PCDHA4: variants seen among roughly 807,000 people sequenced by gnomAD.
PCDHA4 encodes the protein protocadherin alpha 4, also known as protocadherin alpha-4.
A neutral mutation model predicts 61.4 loss-of-function variants in PCDHA4; 49 were observed. That is an observed-to-expected ratio of 0.80 (90% CI 0.63 to 1.01). The LOEUF (loss-of-function observed/expected upper bound fraction) is 1.01. Ranked by LOEUF, PCDHA4 falls within the 50% of genes least tolerant of loss-of-function variation. PCDHA4 has a pLI of 0.00. For synonymous variants in PCDHA4, 590 were observed against 550.3 expected (o/e 1.07, Z -1.01); for missense variants, 1,254 against 1,235.8 (o/e 1.01, Z -0.22).
intron 3 of PCDHA4, among the ~76,000 whole-genome samples, chr5:140,998,721 C>A (rs987484967): frequency 4.6e-5 from 7 of 152,084 alleles, no homozygotes; most frequent in Admixed American, 4.6e-4. Flanking sequence ...TGCACCACCA[C>A]GCTAGGCTAA....
intron 1 of PCDHA4, among the ~76,000 whole-genome samples, chr5:140,941,194 TCTTTCTTCCTTTCTTTCTTCCTTTC>T (rs1257521577): frequency 8.9e-6 from 1 of 112,354 alleles, no homozygotes; most frequent in Admixed American, 9.1e-5. Context: ...TCTTTTTTTT[TCTTTCTTCCTTTCTTTCTTCCTTTC>T]TTTCTTTCTT....
At chr5:140,912,690 A>AG (rs2076029112) in intron 1 of PCDHA4, among the ~76,000 whole-genome samples, 1 of 152,192 alleles carries the variant, frequency 6.6e-6, no homozygotes, top group African/African-American at 2.4e-5. Flanking sequence ...TCCAGGTCTC[A>AG]GGGGGAATGC....
chr5:140,863,258 G>A lies in PCDHA4; in HGVS notation c.2385+53686G>A, dbSNP rs1456133535. On this transcript the variant is annotated intron_variant, in intron 1 of 3. Transcript: ENST00000530339. The stretch of plus-strand genomic sequence containing the variant: ...CGGGCTTTGGCGGGCGTCGAGGTCC[G>A]GGAGGCAGCGCTGGTGGATGTCAAC... 8 of 1,445,594 alleles carry A rather than the reference G, an allele frequency of 5.5e-6. No homozygotes were observed. In the Admixed American group the frequency reaches 9.0e-5, roughly 16 times the overall value. The allele number at this position is 1,445,594 out of a possible 1,614,324, so 89.5% of individuals were successfully genotyped here.
intron 1 of PCDHA4, among the ~76,000 whole-genome samples, chr5:140,839,867 G>C (rs996407179): frequency 6.6e-6 from 1 of 151,988 alleles, no homozygotes; most frequent in African/African-American, 2.4e-5. Flanking sequence ...GGTGGACTTT[G>C]AAAGATGAAT....
At chr5:141,000,538 A>C (rs31871) in intron 3 of PCDHA4, among the ~76,000 whole-genome samples, 70,673 of 145,962 alleles carry the variant, frequency 0.48, 18,171 homozygotes, top group African/African-American at 0.68. Flanking sequence ...AGTGATTCTC[A>C]TGCCTCAAAC....
intron 1 of PCDHA4, among the ~76,000 whole-genome samples, chr5:140,925,706 T>C (rs371734955): frequency 2.0e-5 from 3 of 151,422 alleles, no homozygotes; most frequent in Admixed American, 6.6e-5. Context: ...AGCCTATTCT[T>C]ATCCTGCCTC....
intron 3 of PCDHA4, among the ~76,000 whole-genome samples, chr5:140,997,260 T>G (rs1364203100): frequency 6.6e-6 from 1 of 152,196 alleles, no homozygotes; most frequent in Admixed American, 6.5e-5. Flanking sequence ...GGTTCACTCT[T>G]CCAAATATTT....
rs782362205 is a variant in PCDHA4 at position 141,009,960 on chromosome 5, A to G, written c.*23A>G. The G allele has an allele frequency of 6.3e-7, 1 of 1,589,232 alleles. No homozygotes were observed. The highest frequency in any genetic ancestry group is 2.2e-5 in the East Asian group (1 of 44,694). On this transcript the variant is annotated 3_prime_UTR_variant, in exon 4 of 4. Transcript: ENST00000530339. The stretch of plus-strand genomic sequence containing the variant: ...TGAGGTCCTCAAATGGAAACAAGCC[A>G]CTTAGCCAGTTTTTGTAATAATGGC...
chr5:140,850,705 C>T, intron 1 of PCDHA4: 1 of 1,597,920 alleles, frequency 6.3e-7, no homozygotes, highest in South Asian at 1.1e-5. Context: ...CCTGGCAAGC[C>T]GACGCTGGTG....
intron 1 of PCDHA4, among the ~76,000 whole-genome samples, chr5:140,903,535 G>A (rs1311718035): frequency 3.3e-5 from 5 of 152,178 alleles, no homozygotes; most frequent in African/African-American, 1.2e-4. Flanking sequence ...CTTTAAACTA[G>A]AGCAAGAAAC....
chr5:140,926,827 C>G, intron 1 of PCDHA4: 1 of 1,500,674 alleles, frequency 6.7e-7, no homozygotes, highest in Non-Finnish European at 8.9e-7. Context: ...CTCCAGGAGT[C>G]CGGAGCATGG....
At chr5:140,927,130 C>T (rs1554204065) in intron 1 of PCDHA4, 6 of 1,614,032 alleles carry the variant, frequency 3.7e-6, no homozygotes, top group African/African-American at 1.3e-5. Flanking sequence ...GGTCAGAGAG[C>T]CGGCGGACCG....
At chr5:140,892,758 A>G (rs936927643) in intron 1 of PCDHA4, among the ~76,000 whole-genome samples, 2 of 152,210 alleles carry the variant, frequency 1.3e-5, no homozygotes, top group Non-Finnish European at 2.9e-5. Flanking sequence ...AACATTTAAA[A>G]TCCACTCTTC....
At chr5:140,888,956 G>A (rs1043287613) in intron 1 of PCDHA4, among the ~76,000 whole-genome samples, 1 of 151,722 alleles carries the variant, frequency 6.6e-6, no homozygotes, top group Non-Finnish European at 1.5e-5. Context: ...TTTTTCTTTG[G>A]CAATGTTAAT....
chr5:140,834,543 C>T, intron 1 of PCDHA4: 4 of 1,614,084 alleles, frequency 2.5e-6, no homozygotes, highest in Non-Finnish European at 3.4e-6. Flanking sequence ...GGACCTGGGG[C>T]TGGAGCTGGC....
chr5:140,848,554 T>G (rs1554142197), intron 1 of PCDHA4: 4 of 1,595,574 alleles, frequency 2.5e-6, no homozygotes, highest in Admixed American at 3.4e-5. Flanking sequence ...TCGCTTCTGA[T>G]CCTCGCAATG....
chr5:140,844,747 T>C (rs1779528592), intron 1 of PCDHA4, among the ~76,000 whole-genome samples: 1 of 149,678 alleles, frequency 6.7e-6, no homozygotes, highest in Admixed American at 6.7e-5. Context: ...TATTATGGGA[T>C]AAATCTTTGA....
chr5:140,883,213 A>G, intron 1 of PCDHA4: 1 of 1,614,090 alleles, frequency 6.2e-7, no homozygotes, highest in South Asian at 1.1e-5. Flanking sequence ...AAAAGAAATT[A>G]TATGAAATAT....
At position 140,850,278 on chromosome 5, in the gene PCDHA4, C is replaced by A. The variant is rs2150477296; in HGVS notation, c.2385+40706C>A. On this transcript the variant is annotated intron_variant, in intron 1 of 3. Transcript: ENST00000530339. ...CGCCGGCGTAGTGGTGGGGAAGGTG[C>A]GCGCAGTGGACGCCGACTCGGGCTA... is the stretch of plus-strand genomic sequence containing the variant. 5 of 1,595,340 alleles carry A rather than the reference C, an allele frequency of 3.1e-6. 1 individual carries two copies. Among genetic ancestry groups the A allele is most frequent in the South Asian group, 1.1e-5 (1 of 90,456 alleles).
Sources: allele counts gnomAD v4.1 joint callset (sites outside exome capture counted in the v4.1 genomes callset), GRCh38; gene constraint gnomAD v4.1.1; transcripts MANE v1.5; gene names NCBI Gene and HGNC (gene_info 2026-07-23, HGNC 2026-07-21).